The following KIAA1671 variants were observed in gnomAD, a reference collection of about 807,000 sequenced individuals.
KIAA1671 encodes the protein uncharacterized protein KIAA1671.
In KIAA1671, 52 loss-of-function variants were observed where a neutral mutation model predicts 131.2. The ratio of observed to expected loss-of-function variants is 0.40; its 90% CI spans 0.32 to 0.50. KIAA1671 has a LOEUF of 0.50. KIAA1671 is among the 20% of genes least tolerant of loss of function. The probability of loss-of-function intolerance (pLI) is 0.73; values close to 1 mark genes in which losing one functional copy is unlikely to be tolerated. For synonymous variants in KIAA1671, 1,003 were observed against 961.6 expected (o/e 1.04, Z -0.80); for missense variants, 2,360 against 2,364.2 (o/e 1.00, Z 0.04).
chr22:25,020,163 C>T (rs1241654361), intron 1 of KIAA1671, among the ~76,000 whole-genome samples: 1 of 152,148 alleles, frequency 6.6e-6, no homozygotes, highest in Admixed American at 6.5e-5. Context: ...CCAACCCCAC[C>T]TCTACCCCTC....
intron 6 of KIAA1671, among the ~76,000 whole-genome samples, chr22:25,093,466 G>C (rs1930119914): frequency 6.6e-6 from 1 of 152,120 alleles, no homozygotes; most frequent in South Asian, 2.1e-4. Flanking sequence ...ACCTGTTTCT[G>C]TCCACTTGGT....
In KIAA1671 at chr22:25,195,106, C is replaced by T. The variant is rs371412373; in HGVS notation, c.*2705C>T. ...TCAATCTAACCCTCCTCCCCTGGGG[C>T]TTTGGCTGTCCTCAATGAGAGTTTC... On this transcript the variant is annotated 3_prime_UTR_variant, in exon 13 of 13. Coordinates refer to ENST00000358431, the MANE Select transcript of KIAA1671 (RefSeq NM_001145206.2). 9.9e-5 allele frequency: 15 copies of T among 152,204 alleles called. No homozygotes were observed. The East Asian group carries it at 1.5e-3, about 16-fold the overall frequency. 9.4% of individuals were successfully genotyped at this position (152,204 alleles called of 1,614,324 possible).
chr22:24,967,833 A>C (rs879631926), intron 1 of KIAA1671, among the ~76,000 whole-genome samples: 2 of 152,174 alleles, frequency 1.3e-5, no homozygotes, highest in Non-Finnish European at 2.9e-5. Flanking sequence ...TCTACTAAAA[A>C]ATACAAAAAT....
rs11912058 is a variant in KIAA1671, at chr22:25,027,964, G to T, written c.-36G>T. ...GTTTAGCAATTGCTTCTCCATTCTT[G>T]AAGTTCCTAACCCCCATGAATCCAC... On this transcript the variant is annotated 5_prime_UTR_variant, in exon 3 of 13. It removes the in-frame stop codon of an upstream open reading frame in the 5' UTR. Transcript: ENST00000358431. 1.1e-5 allele frequency: 16 copies of T among 1,411,540 alleles called. No individual in the cohort carries two copies. The South Asian group carries it at 2.3e-4, about 20-fold the overall frequency. The allele number at this position is 1,411,540 out of a possible 1,614,324, so 87.4% of individuals were successfully genotyped here.
At chr22:25,145,295 C>T (rs1470595724) in intron 6 of KIAA1671, among the ~76,000 whole-genome samples, 1 of 152,198 alleles carries the variant, frequency 6.6e-6, no homozygotes, top group East Asian at 1.9e-4. Context: ...GAAATAGCAG[C>T]ATCAATGGCG....
intron 6 of KIAA1671, among the ~76,000 whole-genome samples, chr22:25,157,827 T>TA (rs1457255555): frequency 6.8e-6 from 1 of 147,796 alleles, no homozygotes; most frequent in Non-Finnish European, 1.5e-5. Context: ...TTCTTTTTAT[T>TA]TTTTTTTTTA....
chr22:25,176,576 A>G (rs1934035208), intron 8 of KIAA1671: 1 of 152,190 alleles, frequency 6.6e-6, no homozygotes, highest in East Asian at 1.9e-4. Flanking sequence ...AAGCTCAGAG[A>G]AGTGAAGCTC....
chr22:24,964,502 A>T (rs1047602349), intron 1 of KIAA1671, among the ~76,000 whole-genome samples: 7 of 151,942 alleles, frequency 4.6e-5, no homozygotes, highest in Non-Finnish European at 8.8e-5. Flanking sequence ...GCTCACTGCA[A>T]CTTCCATTTC....
At chr22:25,086,583 G>A (rs1929731234) in intron 6 of KIAA1671, among the ~76,000 whole-genome samples, 1 of 152,208 alleles carries the variant, frequency 6.6e-6, no homozygotes, top group Admixed American at 6.5e-5. Context: ...GCATCCATCT[G>A]TGAATGAATT....
In KIAA1671 at chr22:25,033,323, G is replaced by C. The variant is rs776474344; in HGVS notation, c.1629+627G>C. Among the ~76,000 whole-genome samples the C allele has an allele frequency of 1.6e-4, 24 of 152,230 alleles. 1 individual carries two copies. Among genetic ancestry groups the C allele is most frequent in the Admixed American group, 3.9e-4 (6 of 15,278 alleles). The stretch of plus-strand genomic sequence containing the variant: ...GAGGATTGCTTGAGCTCAGGACTTT[G>C]AGGCTGCAGTGAGCCATGATCATGC... On this transcript the variant is annotated intron_variant, in intron 4 of 12. Transcript: ENST00000358431.
intron 11 of KIAA1671, among the ~76,000 whole-genome samples, chr22:25,187,258 CTG>C (rs1408747093): frequency 6.6e-6 from 1 of 152,206 alleles, no homozygotes; most frequent in Non-Finnish European, 1.5e-5. Flanking sequence ...AAAGCAGTGA[CTG>C]TAGAAAATAC....
At chr22:25,106,051 T>C (rs1450426242) in intron 6 of KIAA1671, among the ~76,000 whole-genome samples, 1 of 152,150 alleles carries the variant, frequency 6.6e-6, no homozygotes, top group African/African-American at 2.4e-5. Context: ...GTGATGGTGG[T>C]GGTGGTCTTT....
chr22:25,109,368 A>G (rs1931212777), intron 6 of KIAA1671, among the ~76,000 whole-genome samples: 1 of 152,072 alleles, frequency 6.6e-6, no homozygotes, highest in Admixed American at 6.5e-5. Flanking sequence ...TCGGCCTCCC[A>G]AAGTGCTGGG....
At chr22:25,160,578 G>A (rs1933408800) in intron 6 of KIAA1671, among the ~76,000 whole-genome samples, 1 of 152,120 alleles carries the variant, frequency 6.6e-6, no homozygotes, top group African/African-American at 2.4e-5. Context: ...CAACCCCAGA[G>A]ATGACCGCAA....
In KIAA1671 at chr22:25,190,704, C is replaced by T. The variant is rs752926579; in HGVS notation, c.5345C>T (p.Ser1782Leu). 9 of 1,551,242 alleles carry T rather than the reference C, an allele frequency of 5.8e-6. No homozygotes were observed. The highest frequency in any genetic ancestry group is 3.9e-5 in the Admixed American group (2 of 50,960). ...LPSSMDKDER[S>L]DEPSPQWLKE... Reference sequence around the variant, plus strand: ...TCTTACTGGCTTTGTGGTTTCAGGTCGGATGAACCCTCTCCCCAGTGGCTA... The same window carrying T: ...TCTTACTGGCTTTGTGGTTTCAGGTTGGATGAACCCTCTCCCCAGTGGCTA... The change falls in exon 12 of 13, where the codon TCG (serine) becomes TTG (leucine). Residue 1782 changes from serine (S) to leucine (L), a missense_variant and splice_region_variant. By Grantham distance (145) the Ser-to-Leu change is moderately radical (BLOSUM62 -2). Around this residue, in one of 3 missense-constraint regions of KIAA1671, gnomAD observed 1,161 missense variants for 1,204.7 expected, o/e 0.96. Transcript: ENST00000358431.
intron 1 of KIAA1671, chr22:25,010,991 T>G (rs749702500): frequency 6.6e-6 from 1 of 152,154 alleles, no homozygotes; most frequent in Non-Finnish European, 1.5e-5. Context: ...CCTGGATTTT[T>G]TTTGAGACAG....
At chr22:25,161,417 C>T (rs964548496) in intron 6 of KIAA1671, among the ~76,000 whole-genome samples, 4 of 152,220 alleles carry the variant, frequency 2.6e-5, no homozygotes, top group South Asian at 2.1e-4. Flanking sequence ...GGCCTGGGCC[C>T]GTGGAGGCAG....
At chr22:25,184,152 C>G (rs779312011) in intron 10 of KIAA1671, among the ~76,000 whole-genome samples, 1 of 152,206 alleles carries the variant, frequency 6.6e-6, no homozygotes, top group Non-Finnish European at 1.5e-5. Context: ...CAGGGCTTGT[C>G]CTGGAAAGAA....
intron 7 of KIAA1671, among the ~76,000 whole-genome samples, chr22:25,172,535 C>T (rs571001512): frequency 9.2e-5 from 14 of 152,242 alleles, no homozygotes; most frequent in Non-Finnish European, 1.9e-4. Context: ...GTGGAAAGTT[C>T]TGCTCAAGGG....
Sources: allele counts gnomAD v4.1 joint callset (sites outside exome capture counted in the v4.1 genomes callset), GRCh38; gene constraint gnomAD v4.1.1; regional missense constraint gnomAD v4.1.1; transcripts MANE v1.5; gene names NCBI Gene and HGNC (gene_info 2026-07-23, HGNC 2026-07-21).